TPRG1: variants seen among roughly 807,000 people sequenced by gnomAD.
TPRG1 encodes the protein tumor protein p63 regulated 1, also known as tumor protein p63-regulated gene 1 protein.
TPRG1 carries 29 observed loss-of-function variants against 29.3 expected under a neutral mutation model. That is an observed-to-expected ratio of 0.99 (90% confidence interval 0.74 to 1.35). TPRG1 has a LOEUF of 1.35. TPRG1 is among the 40% of genes most tolerant of loss of function. TPRG1 has a pLI of 0.00. For synonymous variants in TPRG1, 130 were observed against 116.8 expected (o/e 1.11, Z -0.73); for missense variants, 327 against 335.0 (o/e 0.98, Z 0.19).
intron 5 of TPRG1, among the ~76,000 whole-genome samples, chr3:189,159,633 C>A (rs979786513): frequency 6.6e-6 from 1 of 152,028 alleles, no homozygotes; most frequent in Admixed American, 6.6e-5. Flanking sequence ...CTGAAGTCAG[C>A]CAGGAGTCCC....
upstream of TPRG1, among the ~76,000 whole-genome samples, chr3:189,170,692 C>T (rs1034787663): frequency 2.6e-5 from 4 of 152,182 alleles, no homozygotes; most frequent in Non-Finnish European, 4.4e-5. Context: ...AGTTAGTATA[C>T]ATGACGTCCT....
chr3:189,007,265 A>G (rs1351825417), intron 3 of TPRG1, among the ~76,000 whole-genome samples: 1 of 151,438 alleles, frequency 6.6e-6, no homozygotes, highest in African/African-American at 2.4e-5. Flanking sequence ...TCAAAAGAAG[A>G]CATTTATGCA....
intron 1 of TPRG1, among the ~76,000 whole-genome samples, chr3:189,189,733 G>A (rs1174380040): frequency 2.0e-5 from 3 of 152,166 alleles, no homozygotes; most frequent in African/African-American, 7.2e-5. Context: ...AGCACATGAG[G>A]CCTCTCCTAA....
At chr3:189,233,543 A>G (rs1453890833) in intron 3 of TPRG1, among the ~76,000 whole-genome samples, 3 of 152,116 alleles carry the variant, frequency 2.0e-5, no homozygotes, top group Non-Finnish European at 4.4e-5. Flanking sequence ...GGAAGTGATA[A>G]TGGTGCTGAG....
intron 4 of TPRG1, among the ~76,000 whole-genome samples, chr3:189,255,863 G>A (rs993635614): frequency 5.3e-5 from 8 of 152,190 alleles, no homozygotes; most frequent in African/African-American, 1.9e-4. Flanking sequence ...TGGGATCAGT[G>A]GTGATCTCCC....
intron 4 of TPRG1, among the ~76,000 whole-genome samples, chr3:189,270,898 T>C (rs191246155): frequency 1.3e-5 from 2 of 152,208 alleles, no homozygotes; most frequent in Non-Finnish European, 2.9e-5. Flanking sequence ...AAAATAATGA[T>C]AATAATAATA....
intron 5 of TPRG1, chr3:189,315,494 A>G (rs1395079763): frequency 2.2e-6 from 1 of 456,104 alleles, no homozygotes; most frequent in Non-Finnish European, 4.4e-6. Flanking sequence ...TTCCTACAGT[A>G]TGCAGAGACT....
At chr3:189,137,532 C>A (rs900585550) in intron 3 of TPRG1, among the ~76,000 whole-genome samples, 1 of 152,126 alleles carries the variant, frequency 6.6e-6, no homozygotes, top group African/African-American at 2.4e-5. Flanking sequence ...CTGCTGTGAA[C>A]AGAGCTCTAC....
Position 189,213,022 on chromosome 3 carries a change from T to C in TPRG1, c.211-2270T>C, listed in dbSNP as rs923079147. 4.6e-5 allele frequency among the ~76,000 whole-genome samples: 7 copies of C among 152,340 alleles called. 1 individual carries two copies. In the South Asian group the frequency reaches 1.4e-3, roughly 32 times the overall value. On this transcript the variant is annotated intron_variant, in intron 2 of 5. Coordinates refer to ENST00000345063, the MANE Select transcript of TPRG1 (RefSeq NM_198485.4). ...AGATGATGTGTACATATTATTCCAC[T>C]GTATTTCCCTGTTTGTCTTAGGCTG...
At chr3:189,029,913 C>T (rs1356420740) in intron 4 of TPRG1, among the ~76,000 whole-genome samples, 1 of 152,126 alleles carries the variant, frequency 6.6e-6, no homozygotes, top group African/African-American at 2.4e-5. Context: ...TTCCTGAGGC[C>T]GCACCATAAG....
intron 3 of TPRG1, among the ~76,000 whole-genome samples, chr3:189,143,441 A>G (rs1052759117): frequency 6.6e-6 from 1 of 152,214 alleles, no homozygotes; most frequent in African/African-American, 2.4e-5. Flanking sequence ...AAAAGTGACA[A>G]ACTCAGAGTA....
intron 4 of TPRG1, among the ~76,000 whole-genome samples, chr3:189,276,924 A>C (rs1046590567): frequency 2.0e-5 from 3 of 152,032 alleles, no homozygotes; most frequent in African/African-American, 7.2e-5. Context: ...TTACTGGACA[A>C]CGTATATATT....
At chr3:189,163,852 C>T (rs990804120) in intron 5 of TPRG1, among the ~76,000 whole-genome samples, 1 of 152,080 alleles carries the variant, frequency 6.6e-6, no homozygotes, top group Admixed American at 6.5e-5. Context: ...GCTTGTCTAG[C>T]AGGGCAGTCC....
chr3:189,099,411 G>T (rs1434435949), upstream of TPRG1, among the ~76,000 whole-genome samples: 2 of 152,160 alleles, frequency 1.3e-5, no homozygotes, highest in Admixed American at 1.3e-4. Flanking sequence ...GGGTGGGAAG[G>T]GGGGCAGGCA....
At chr3:189,245,382 C>T (rs1478997211) in intron 4 of TPRG1, among the ~76,000 whole-genome samples, 4 of 152,004 alleles carry the variant, frequency 2.6e-5, no homozygotes, top group Non-Finnish European at 5.9e-5. Flanking sequence ...TTTGCTGCTT[C>T]CCAGAGATTT....
At chr3:189,201,746 T>C (rs1733528534) in intron 1 of TPRG1, among the ~76,000 whole-genome samples, 1 of 151,982 alleles carries the variant, frequency 6.6e-6, no homozygotes, top group African/African-American at 2.4e-5. Flanking sequence ...GCCTCCCAGG[T>C]TCAAGCAATT....
intron 1 of TPRG1, among the ~76,000 whole-genome samples, chr3:189,201,567 C>G (rs1217402682): frequency 6.6e-6 from 1 of 152,106 alleles, no homozygotes; most frequent in Non-Finnish European, 1.5e-5. Flanking sequence ...TTGAAATAGT[C>G]CTGAGAGAAG....
At chr3:189,267,590 A>G (rs1311500104) in intron 4 of TPRG1, 3 of 152,184 alleles carry the variant, frequency 2.0e-5, no homozygotes, top group Admixed American at 2.0e-4. Context: ...CATAAACTGG[A>G]GGAAGAGTAT....
At chr3:189,246,173 T>G (rs916674105) in intron 4 of TPRG1, among the ~76,000 whole-genome samples, 1 of 152,080 alleles carries the variant, frequency 6.6e-6, no homozygotes, top group Non-Finnish European at 1.5e-5. Flanking sequence ...TATCTGATGG[T>G]TTTATAAAGG....
Sources: allele counts gnomAD v4.1 joint callset (sites outside exome capture counted in the v4.1 genomes callset), GRCh38; gene constraint gnomAD v4.1.1; transcripts MANE v1.5; gene names NCBI Gene and HGNC (gene_info 2026-07-23, HGNC 2026-07-21).